MYCBP2: variants seen among roughly 807,000 people sequenced by gnomAD.
The protein encoded by MYCBP2 is E3 ubiquitin-protein ligase MYCBP2.
Under a neutral mutation model 525.3 loss-of-function variants are expected in MYCBP2, and 120 were observed. The observed-to-expected ratio is 0.23, with a 90% CI of 0.20 to 0.27. The LOEUF (loss-of-function observed/expected upper bound fraction) is 0.27. Ranked by LOEUF, MYCBP2 falls within the 10% of genes least tolerant of loss-of-function variation. The probability of loss-of-function intolerance (pLI) is 1.00; values close to 1 mark genes in which losing one functional copy is unlikely to be tolerated. For synonymous variants in MYCBP2, 1,894 were observed against 1,955.8 expected (o/e 0.97, Z 0.83); for missense variants, 4,149 against 5,657.1 (o/e 0.73, Z 8.55).
intron 1 of MYCBP2, among the ~76,000 whole-genome samples, chr13:77,299,355 T>A (rs2078528708): frequency 6.6e-6 from 1 of 152,206 alleles, no homozygotes; most frequent in Non-Finnish European, 1.5e-5. Context: ...ACAATTCTTA[T>A]GAATCTGAAC....
intron 44 of MYCBP2, among the ~76,000 whole-genome samples, chr13:77,159,227 T>A (rs1305278371): frequency 6.6e-6 from 1 of 152,176 alleles, no homozygotes; most frequent in Non-Finnish European, 1.5e-5. Context: ...TATAAACTGG[T>A]CATCAAATAA....
In MYCBP2 at chr13:77,067,578, A is replaced by C; in HGVS notation, c.12455+3T>G. 6.2e-7 allele frequency: 1 copy of C among 1,613,838 alleles called. No individual in the cohort carries two copies. Among genetic ancestry groups the C allele is most frequent in the Non-Finnish European group, 8.5e-7 (1 of 1,179,724 alleles). On this transcript the variant is annotated splice_donor_region_variant and intron_variant, in intron 71 of 82. Transcript: ENST00000544440. The stretch of plus-strand genomic sequence containing the variant: ...TGGTACTAAAATAGAGGCAATAACT[A>C]ACCTGGAATTGAAAATCATCGGAAG...
chr13:77,286,581 G>A (rs1203450182), intron 3 of MYCBP2, among the ~76,000 whole-genome samples: 7 of 148,744 alleles, frequency 4.7e-5, no homozygotes, highest in Non-Finnish European at 8.9e-5. Flanking sequence ...GTGAAACCCC[G>A]TCTCTACTAA....
intron 59 of MYCBP2, among the ~76,000 whole-genome samples, chr13:77,091,148 G>A (rs1056580714): frequency 2.1e-5 from 3 of 145,216 alleles, no homozygotes; most frequent in South Asian, 2.1e-4. Context: ...TCTAATAGAC[G>A]GCTAACTGCC....
intron 2 of MYCBP2, among the ~76,000 whole-genome samples, chr13:77,291,620 A>G (rs2077482651): frequency 6.6e-6 from 1 of 152,108 alleles, no homozygotes; most frequent in Admixed American, 6.5e-5. Context: ...ATACAAAATT[A>G]GCCGGGCGTG....
rs200975511 is a variant in MYCBP2, at chr13:77,187,706, A to G, written c.4251+1245T>C. 5.3e-5 allele frequency among the ~76,000 whole-genome samples: 8 copies of G among 152,206 alleles called. No homozygotes were observed. The East Asian group carries it at 1.5e-3, about 29-fold the overall frequency. ...TAAGAAACAAGCAAGCATGTTGTAG[A>G]GCATCCTGTATTTGATACGTACTAA... On this transcript the variant is annotated intron_variant, in intron 30 of 82. Transcript: ENST00000544440.
chr13:77,112,498 T>C (rs1346599981), intron 55 of MYCBP2, among the ~76,000 whole-genome samples: 3 of 151,558 alleles, frequency 2.0e-5, no homozygotes, highest in Non-Finnish European at 4.4e-5. Context: ...CAATTATGGC[T>C]GACTGCAGCC....
chr13:77,099,131 TACTAA>T (rs759733886), intron 55 of MYCBP2, 118 bp from the exon 56 acceptor site: 205 of 1,265,850 alleles, frequency 1.6e-4, no homozygotes, highest in Non-Finnish European at 1.3e-4. Flanking sequence ...TTGTCATACA[TACTAA>T]AATACTTGAA....
intron 14 of MYCBP2, among the ~76,000 whole-genome samples, chr13:77,256,204 A>T (rs891441941): frequency 6.6e-6 from 1 of 152,124 alleles, no homozygotes; most frequent in Non-Finnish European, 1.5e-5. Flanking sequence ...AGGTTAAATT[A>T]CAGGTAGCAT....
In MYCBP2 at chr13:77,261,268, G is replaced by A. The variant is rs575560279; in HGVS notation, c.1755C>T (p.Phe585=). 2 of 1,613,558 alleles carry A rather than the reference G, an allele frequency of 1.2e-6. No individual in the cohort carries two copies. The highest frequency in any genetic ancestry group is 3.3e-5 in the Admixed American group (2 of 59,948). ...PITKSPKIVH[F]SVGHDGSHAL... is the part of the protein sequence containing the mutation. Reference sequence around the variant, plus strand: ...CGTGAGAGCCATCGTGTCCAACTGAGAAGTGTACTATCTTTGGAGATTTTG... The same window carrying A: ...CGTGAGAGCCATCGTGTCCAACTGAAAAGTGTACTATCTTTGGAGATTTTG... The change falls in exon 12 of 83, where the codon TTC becomes TTT. Residue 585 remains phenylalanine (F), a synonymous_variant. Coordinates refer to ENST00000544440, the MANE Select transcript of MYCBP2 (RefSeq NM_015057.5).
intron 1 of MYCBP2, among the ~76,000 whole-genome samples, chr13:77,314,284 T>C (rs1407453642): frequency 6.6e-6 from 1 of 152,136 alleles, no homozygotes; most frequent in Non-Finnish European, 1.5e-5. Context: ...AAAAAGAAAA[T>C]GTATGTCCAC....
chr13:77,211,202 A>C lies in MYCBP2; in HGVS notation c.3381T>G (p.Gly1127=). 1 of 1,521,006 alleles carries C rather than the reference A, an allele frequency of 6.6e-7. No individual in the cohort carries two copies. Among genetic ancestry groups the C allele is most frequent in the East Asian group, 2.5e-5 (1 of 40,092 alleles). The allele number at this position is 1,521,006 out of a possible 1,614,324, so 94.2% of individuals were successfully genotyped here. Reference sequence around the variant, plus strand: ...CATCATATACAGGATCAAGACACACACCAAATCCTTGCAGATCCTCTTGTT... The same window carrying C: ...CATCATATACAGGATCAAGACACACCCCAAATCCTTGCAGATCCTCTTGTT... ...DSEQEDLQGF[G]VCLDPVYDVI... is the part of the protein sequence containing the mutation. Residue 1127 remains glycine (G), a synonymous_variant, in exon 23 of 83, where the codon GGT becomes GGG. Coordinates refer to ENST00000544440, the MANE Select transcript of MYCBP2 (RefSeq NM_015057.5).
At position 77,248,929 on chromosome 13, in the gene MYCBP2, G is replaced by A. The variant is rs147796654; in HGVS notation, c.2381+2222C>T. On this transcript the variant is annotated intron_variant, in intron 15 of 82. Transcript: ENST00000544440. ...TATACATACAATAGAATATTATTCA[G>A]CCTCAAAAAGCAAAGATGTTCCGAC... Among the ~76,000 whole-genome samples, 14 of 152,272 alleles carry A rather than the reference G, an allele frequency of 9.2e-5. 1 individual carries two copies. In the East Asian group the frequency reaches 2.7e-3, roughly 29 times the overall value.
At chr13:77,228,217 C>T (rs1402146793) in intron 18 of MYCBP2, among the ~76,000 whole-genome samples, 1 of 152,052 alleles carries the variant, frequency 6.6e-6, no homozygotes, top group Non-Finnish European at 1.5e-5. Flanking sequence ...AAGATTAATT[C>T]TGCTCAAGCT....
At chr13:77,103,344 A>C (rs1251126691) in intron 55 of MYCBP2, 1 of 397,244 alleles carries the variant, frequency 2.5e-6, no homozygotes, top group Non-Finnish European at 4.4e-6. Context: ...GAAGCAGCAC[A>C]GATTCAATGG....
Position 77,171,654 on chromosome 13 carries a change from G to A in MYCBP2, c.5652-20C>T, listed in dbSNP as rs775213967. The A allele has an allele frequency of 9.3e-6, 15 of 1,611,570 alleles. No individual in the cohort carries two copies. In the East Asian group the frequency reaches 2.9e-4, roughly 31 times the overall value. The stretch of plus-strand genomic sequence containing the variant: ...TCACTCCTGTAGCATGAGCAAACAT[G>A]AGATTATTTTACAATGGTAAGTAAA... On this transcript the variant is annotated intron_variant, in intron 37 of 82. Coordinates refer to ENST00000544440, the MANE Select transcript of MYCBP2 (RefSeq NM_015057.5).
At chr13:77,128,114 T>C (rs1462268456) in intron 52 of MYCBP2, among the ~76,000 whole-genome samples, 1 of 151,880 alleles carries the variant, frequency 6.6e-6, no homozygotes, top group Non-Finnish European at 1.5e-5. Flanking sequence ...TAAGAATTTA[T>C]ATATATGCAA....
chr13:77,126,648 T>TA (rs561456218), intron 52 of MYCBP2, 106 bp from the exon 53 acceptor site: 77 of 730,444 alleles, frequency 1.1e-4, no homozygotes, highest in Non-Finnish European at 1.4e-4. Flanking sequence ...ACTGTCAATA[T>TA]AAAAAAAACA....
chr13:77,067,482 G>A (rs2040403761), intron 71 of MYCBP2, 99 bp downstream of exon 71: 7 of 1,239,014 alleles, frequency 5.6e-6, no homozygotes, highest in Middle Eastern at 4.4e-4. Context: ...TTTATTTGGT[G>A]AGTAACCTAA....
Sources: allele counts gnomAD v4.1 joint callset (sites outside exome capture counted in the v4.1 genomes callset), GRCh38; gene constraint gnomAD v4.1.1; transcripts MANE v1.5; gene names NCBI Gene and HGNC (gene_info 2026-07-23, HGNC 2026-07-21).